MAMDC2: variants seen among roughly 807,000 people sequenced by gnomAD.
MAMDC2 encodes MAM domain containing 2, also known as MAM domain-containing protein 2.
A neutral mutation model predicts 89.8 loss-of-function variants in MAMDC2; 57 were observed. The observed-to-expected ratio is 0.63, with a 90% CI of 0.51 to 0.79. MAMDC2 has a LOEUF of 0.79. Ranked by LOEUF, MAMDC2 falls within the 30% of genes least tolerant of loss-of-function variation. The pLI, the probability that MAMDC2 is intolerant of heterozygous loss-of-function variation, is 0.00. For synonymous variants in MAMDC2, 313 were observed against 293.4 expected, an observed-to-expected ratio of 1.07 and a Z score of -0.68; for missense variants, 800 against 820.6, an observed-to-expected ratio of 0.97 and a Z score of 0.31.
chr9:70,136,568 G>A (rs913391773), intron 7 of MAMDC2, among the ~76,000 whole-genome samples: 1 of 152,004 alleles, frequency 6.6e-6, no homozygotes, highest in Non-Finnish European at 1.5e-5. Flanking sequence ...AGATTCTCTT[G>A]CAGTCGCCCA....
intron 2 of MAMDC2, among the ~76,000 whole-genome samples, chr9:70,070,848 A>T (rs1827388020): frequency 6.6e-6 from 1 of 152,036 alleles, no homozygotes; most frequent in Admixed American, 6.6e-5. Context: ...TCTACAGTCA[A>T]TTTTTTCCTC....
chr9:70,177,331 C>T (rs1368418700), intron 11 of MAMDC2, among the ~76,000 whole-genome samples: 2 of 152,126 alleles, frequency 1.3e-5, no homozygotes, highest in African/African-American at 4.8e-5. Flanking sequence ...GTGTAGACAG[C>T]ATGGAGACAT....
chr9:70,181,534 C>T (rs771763795), intron 11 of MAMDC2, among the ~76,000 whole-genome samples: 4 of 152,076 alleles, frequency 2.6e-5, no homozygotes, highest in Non-Finnish European at 5.9e-5. Flanking sequence ...TTTTCTTGAG[C>T]ACTGGTTTGT....
chr9:70,085,866 T>A (rs1273431236), intron 2 of MAMDC2: 2 of 152,106 alleles, frequency 1.3e-5, no homozygotes, highest in African/African-American at 4.8e-5. Context: ...ATGTTATATA[T>A]ACTTTTGAAA....
intron 11 of MAMDC2, chr9:70,217,401 G>C (rs2033468994): frequency 7.5e-7 from 1 of 1,331,560 alleles, no homozygotes; most frequent in African/African-American, 1.4e-5. Flanking sequence ...AAATTCAAAA[G>C]AAAAGAACCC....
At chr9:70,192,628 TA>T (rs534528677) in intron 11 of MAMDC2, among the ~76,000 whole-genome samples, 176 of 152,234 alleles carry the variant, frequency 1.2e-3, no homozygotes, top group Middle Eastern at 6.8e-3. Flanking sequence ...TCTTTCCCTT[TA>T]TAAGTCCTCA....
chr9:70,178,376 T>TAC (rs1041611075), intron 11 of MAMDC2, among the ~76,000 whole-genome samples: 1 of 151,900 alleles, frequency 6.6e-6, no homozygotes, highest in African/African-American at 2.4e-5. Context: ...ACAAGGAACC[T>TAC]ACTCCCATGA....
chr9:70,123,203 T>C (rs1219867018), intron 5 of MAMDC2, among the ~76,000 whole-genome samples: 2 of 152,238 alleles, frequency 1.3e-5, no homozygotes, highest in African/African-American at 4.8e-5. Context: ...GTAAGTCATG[T>C]TACAAAGAGC....
intron 5 of MAMDC2, among the ~76,000 whole-genome samples, chr9:70,115,065 C>T (rs943385911): frequency 2.0e-5 from 3 of 152,118 alleles, no homozygotes; most frequent in African/African-American, 7.2e-5. Flanking sequence ...TCTAAAATGC[C>T]TGGAATGCCA....
In MAMDC2 at chr9:70,095,812, T is replaced by C. The variant is rs556167256; in HGVS notation, c.149-12399T>C. Among the ~76,000 whole-genome samples, 6 of 152,232 alleles carry C rather than the reference T, an allele frequency of 3.9e-5. No individual in the cohort carries two copies. In the South Asian group the frequency reaches 1.2e-3, roughly 32 times the overall value. ...TAAATTGGGATTTGTTGTTTTTCTTTCCTAGTGAAAAGTGCAGACATAGGA... is the reference window on the plus strand; with the variant it reads ...TAAATTGGGATTTGTTGTTTTTCTTCCCTAGTGAAAAGTGCAGACATAGGA... On this transcript the variant is annotated intron_variant, in intron 2 of 13. Coordinates refer to ENST00000377182, the MANE Select transcript of MAMDC2 (RefSeq NM_153267.5).
At chr9:70,163,059 G>A (rs1368297160) in intron 9 of MAMDC2, among the ~76,000 whole-genome samples, 1 of 152,102 alleles carries the variant, frequency 6.6e-6, no homozygotes, top group African/African-American at 2.4e-5. Context: ...TGAAAATAAA[G>A]AGGAGATTCT....
intron 2 of MAMDC2, chr9:70,093,794 G>A (rs1437169775): frequency 6.6e-6 from 1 of 152,090 alleles, no homozygotes; most frequent in African/African-American, 2.4e-5. Flanking sequence ...ATGATGTAGT[G>A]GAAAATGTGT....
At chr9:70,163,386 G>A (rs1467921423) in intron 9 of MAMDC2, among the ~76,000 whole-genome samples, 1 of 151,938 alleles carries the variant, frequency 6.6e-6, no homozygotes, top group South Asian at 2.1e-4. Context: ...GAGCCACCAT[G>A]CCCAGCTAAT....
At chr9:70,151,048 C>T (rs981372032) in intron 9 of MAMDC2, among the ~76,000 whole-genome samples, 1 of 152,208 alleles carries the variant, frequency 6.6e-6, no homozygotes, top group African/African-American at 2.4e-5. Flanking sequence ...TAGAGTCCCA[C>T]AGTCCACATA....
At chr9:70,221,806 A>T (rs1352755697) in intron 12 of MAMDC2, among the ~76,000 whole-genome samples, 2 of 152,090 alleles carry the variant, frequency 1.3e-5, no homozygotes, top group African/African-American at 2.4e-5. Context: ...AAGAAGAGGA[A>T]GGAAAATAAG....
Position 70,126,428 on chromosome 9 carries a change from G to A in MAMDC2, c.900+13G>A. 6.2e-7 allele frequency: 1 copy of A among 1,606,136 alleles called. No individual in the cohort carries two copies. On this transcript the variant is annotated intron_variant, in intron 6 of 13. Coordinates refer to ENST00000377182, the MANE Select transcript of MAMDC2 (RefSeq NM_153267.5). ...TTACCCCATGGAGGTAGGTGTACTG[G>A]TGCGCACCAGCTGTTCACTGGCACT...
Position 70,108,264 on chromosome 9 carries a change from C to A in MAMDC2, c.202C>A (p.Leu68Met). 6.2e-7 allele frequency: 1 copy of A among 1,612,984 alleles called. No homozygotes were observed. Among genetic ancestry groups the A allele is most frequent in the Non-Finnish European group, 8.5e-7 (1 of 1,179,524 alleles). ...TGGCAAGCAGGGGGAGAAAGCTGTGCTGCTAAGTCCTGACTTACAGGCTGA... is the reference window on the plus strand; with the variant it reads ...TGGCAAGCAGGGGGAGAAAGCTGTGATGCTAAGTCCTGACTTACAGGCTGA... ...SFGKQGEKAV[L>M]LSPDLQAEEW... Residue 68 changes from leucine to methionine, a missense_variant, in exon 3 of 14, where the codon CTG (leucine) becomes ATG (methionine). Transcript: ENST00000377182.
intron 2 of MAMDC2, among the ~76,000 whole-genome samples, chr9:70,053,774 G>A (rs766553753): frequency 3.9e-5 from 6 of 152,162 alleles, no homozygotes; most frequent in Non-Finnish European, 7.4e-5. Context: ...GGACCTGCCT[G>A]TTCATTCAGG....
intron 2 of MAMDC2, chr9:70,082,996 A>G (rs936014916): frequency 6.6e-6 from 1 of 152,212 alleles, no homozygotes; most frequent in Non-Finnish European, 1.5e-5. Context: ...CAATGGAAAT[A>G]TTCTAGAAGA....
Sources: allele counts gnomAD v4.1 joint callset (sites outside exome capture counted in the v4.1 genomes callset), GRCh38; gene constraint gnomAD v4.1.1; transcripts MANE v1.5; gene names NCBI Gene and HGNC (gene_info 2026-07-23, HGNC 2026-07-21).